The following SEZ6L2 variants were observed in gnomAD, a reference collection of about 807,000 sequenced individuals.
SEZ6L2 encodes the protein seizure 6-like protein 2.
A neutral mutation model predicts 97.0 loss-of-function variants in SEZ6L2; 44 were observed. The observed-to-expected ratio is 0.45, with a 90% confidence interval of 0.36 to 0.58. The LOEUF (loss-of-function observed/expected upper bound fraction) is 0.58, where lower values mean the gene tolerates loss of function less well. Ranked by LOEUF, SEZ6L2 falls within the 20% of genes least tolerant of loss-of-function variation. The pLI, the probability that SEZ6L2 is intolerant of heterozygous loss-of-function variation, is 0.00. For missense variants in SEZ6L2, 1,086 were observed against 1,233.3 expected (o/e 0.88, Z 1.79); for synonymous variants, 543 against 546.1 (o/e 0.99, Z 0.08).
Position 29,897,950 on chromosome 16 carries a change from C to G in SEZ6L2, c.114G>C (p.Glu38Asp). 1 of 1,613,730 alleles carries G rather than the reference C, an allele frequency of 6.2e-7. No individual in the cohort carries two copies. The change falls in exon 2 of 18, where the codon GAG becomes GAC. Residue 38 changes from glutamate (E) to aspartate (D), a missense_variant. Physicochemically the swap from Glu to Asp is conservative, Grantham distance 45. This residue lies in a region of SEZ6L2 where 776 missense variants were observed against 794.7 expected (regional missense o/e 0.98). Coordinates refer to ENST00000617533, the MANE Select transcript of SEZ6L2 (RefSeq NM_001243332.2). ...LPLKEEEILP[E>D]PGSETPTVAS... is the part of the protein sequence containing the mutation. ...CCACCGTGGGGGTCTCACTTCCAGG[C>G]TCTGGCAATATCTCCTCCTCCTTCA...
chr16:29,877,491 T>C (rs745336407), intron 10 of SEZ6L2, 24 bp from the exon 11 acceptor site: 1 of 1,553,000 alleles, frequency 6.4e-7, no homozygotes, highest in South Asian at 1.2e-5. Flanking sequence ...GACCAGGCAA[T>C]GGGGCGGGGC....
rs1190379653 is a variant in SEZ6L2, at chr16:29,899,117, T to TC, written c.-99_-98insG. On this transcript the variant is annotated 5_prime_UTR_variant, in exon 1 of 18. Transcript: ENST00000617533. ...TTATCTTTCCCTTTAATTGTTTTTT[T>TC]TTTTTTTTTTTTTTTCCTCGTAGGA... 1.2e-6 allele frequency: 1 copy of TC among 812,628 alleles called. No homozygotes were observed. The highest frequency in any genetic ancestry group is 1.9e-6 in the Non-Finnish European group (1 of 531,438). The allele number at this position is 812,628 out of a possible 1,614,324, so 50.3% of individuals were successfully genotyped here. A position where few individuals can be genotyped will look rare whatever the true frequency, so the allele number is the denominator to read the frequency against.
At position 29,873,728 on chromosome 16, in the gene SEZ6L2, G is replaced by T; in HGVS notation, c.2106C>A (p.Ile702=). Residue 702 remains isoleucine (I), a splice_region_variant and synonymous_variant, in exon 13 of 18, where the codon ATC becomes ATA. Transcript: ENST00000617533. The surrounding 1 kb of genome is among the most constrained non-coding windows in gnomAD (Gnocchi z 4.3). ...WSAAPPACQK[I]MTCADPGEIA... is the part of the protein sequence containing the mutation. ...TCTCGCCAGGGTCAGCACAAGTCATGACTGGTGGCAGAAGAACAAGGTCAG... is the reference window on the plus strand; with the variant it reads ...TCTCGCCAGGGTCAGCACAAGTCATTACTGGTGGCAGAAGAACAAGGTCAG... The T allele has an allele frequency of 6.4e-7, 1 of 1,574,208 alleles. No homozygotes were observed.
chr16:29,885,698 C>T lies in SEZ6L2; in HGVS notation c.1260G>A (p.Ser420=), dbSNP rs767838148. 1.9e-6 allele frequency: 3 copies of T among 1,613,858 alleles called. No homozygotes were observed. Among genetic ancestry groups the T allele is most frequent in the South Asian group, 1.1e-5 (1 of 91,048 alleles). The change falls in exon 8 of 18, where the codon TCG becomes TCA. Residue 420 remains serine (S), a synonymous_variant. Transcript: ENST00000617533. ...CCCGCTCGGGGACATCGTCCATGTCCGAATCATAGATCACGGGGGATAGGG... is the reference window on the plus strand; with the variant it reads ...CCCGCTCGGGGACATCGTCCATGTCTGAATCATAGATCACGGGGGATAGGG... The part of the protein sequence containing the change: ...GSPLSPVIYD[S]DMDDVPERGL...
Position 29,877,438 on chromosome 16 carries a change from G to A in SEZ6L2, c.1742C>T (p.Thr581Met), listed in dbSNP as rs200681349. ...GCTGGGACCGTCCCCGTCGAACAGCGTCAGCATGTCCCCTTCCCGCACATT... is the reference window on the plus strand; with the variant it reads ...GCTGGGACCGTCCCCGTCGAACAGCATCAGCATGTCCCCTTCCCGCACATT... ...ILNVREGDML[T>M]LFDGDGPSAR... Residue 581 changes from threonine (T) to methionine (M), a missense_variant, in exon 11 of 18, where the codon ACG (threonine) becomes ATG (methionine). By Grantham distance (81) the Thr-to-Met change is moderately conservative (BLOSUM62 -1). This residue lies in a region of SEZ6L2 where 776 missense variants were observed against 794.7 expected (regional missense o/e 0.98). Transcript: ENST00000617533. The A allele has an allele frequency of 6.2e-7, 1 of 1,606,638 alleles. No individual in the cohort carries two copies. Among genetic ancestry groups the A allele is most frequent in the South Asian group, 1.1e-5 (1 of 90,164 alleles).
Position 29,876,627 on chromosome 16 carries a change from G to T in SEZ6L2, c.2104+129C>A. On this transcript the variant is annotated intron_variant, in intron 12 of 17. Transcript: ENST00000617533. The surrounding 1 kb of genome is among the most constrained non-coding windows in gnomAD (Gnocchi z 6.5). ...AAAGGGCATGGGGGCAGGCCTTGAA[G>T]AAGATCCAGGAAGGACCCCGAGCGA... is the stretch of plus-strand genomic sequence containing the variant. 1 of 832,646 alleles carries T rather than the reference G, an allele frequency of 1.2e-6. No homozygotes were observed. The highest frequency in any genetic ancestry group is 1.8e-6 in the Non-Finnish European group (1 of 551,204). 51.6% of individuals were successfully genotyped at this position (832,646 alleles called of 1,614,324 possible). A position where few individuals can be genotyped will look rare whatever the true frequency, so the allele number is the denominator to read the frequency against.
chr16:29,888,442 G>T (rs965226150), intron 6 of SEZ6L2, 98 bp downstream of exon 6: 1 of 1,338,300 alleles, frequency 7.5e-7, no homozygotes, highest in Admixed American at 2.1e-5. Context: ...TTCAGAATGG[G>T]TTTTCCCCAA....
chr16:29,897,121 C>T lies in SEZ6L2; in HGVS notation c.212G>A (p.Gly71Glu), dbSNP rs1350070224. Residue 71 changes from glycine (G) to glutamate (E), a missense_variant and splice_region_variant, in exon 3 of 18, where the codon GGA becomes GAA. Transcript: ENST00000617533. ...GGCTAGCGTGGGGTCCCGATCAGATCCTGGGACAGTGCAGGGAATATCAGA... is the reference window on the plus strand; with the variant it reads ...GGCTAGCGTGGGGTCCCGATCAGATTCTGGGACAGTGCAGGGAATATCAGA... ...RRGPEMGYLP[G>E]SDRDPTLATP... The T allele has an allele frequency of 4.5e-6, 7 of 1,558,074 alleles. No individual in the cohort carries two copies. In the Admixed American group the frequency reaches 7.1e-5, roughly 16 times the overall value.
At position 29,873,200 on chromosome 16, in the gene SEZ6L2, G is replaced by A. The variant is rs375704939; in HGVS notation, c.2488+40C>T. On this transcript the variant is annotated intron_variant, in intron 14 of 17. Transcript: ENST00000617533. This position sits in a 1 kb window ranked among gnomAD's most constrained non-coding sequence, Gnocchi z 4.3. ...GACTCTCCCAGCCCTGTCACTTCCC[G>A]GACACTGGTGTGCCCCTCCTGCCCT... is the stretch of plus-strand genomic sequence containing the variant. 6.6e-4 allele frequency: 1,061 copies of A among 1,605,764 alleles called. 1 individual carries two copies. The highest frequency in any genetic ancestry group is 8.5e-4 in the Non-Finnish European group (1,000 of 1,175,242).
In SEZ6L2 at chr16:29,873,030, C is replaced by A. The variant is rs1284632070; in HGVS notation, c.2488+210G>T. 6.6e-6 allele frequency among the ~76,000 whole-genome samples: 1 copy of A among 152,228 alleles called. No homozygotes were observed. The highest frequency in any genetic ancestry group is 1.5e-5 in the Non-Finnish European group (1 of 68,038). Reference sequence around the variant, plus strand: ...CTATTCAGAGCAAGGGACTTCCAAGCCAAGGCCCCCTCTACTACACCCCTG... The same window carrying A: ...CTATTCAGAGCAAGGGACTTCCAAGACAAGGCCCCCTCTACTACACCCCTG... On this transcript the variant is annotated intron_variant, in intron 14 of 17. Coordinates refer to ENST00000617533, the MANE Select transcript of SEZ6L2 (RefSeq NM_001243332.2). The surrounding 1 kb of genome is among the most constrained non-coding windows in gnomAD (Gnocchi z 4.3).
At chr16:29,895,544 T>A in intron 4 of SEZ6L2, 84 bp from the exon 5 acceptor site, 2 of 1,499,320 alleles carry the variant, frequency 1.3e-6, no homozygotes, top group Non-Finnish European at 1.8e-6. Context: ...CTTTGCCCTG[T>A]GTGTAGCAGC....
At position 29,876,761 on chromosome 16, in the gene SEZ6L2, T is replaced by A. The variant is rs557575227; in HGVS notation, c.2099A>T (p.Gln700Leu). 1.9e-6 allele frequency: 3 copies of A among 1,548,768 alleles called. No individual in the cohort carries two copies. The East Asian group carries it at 7.3e-5, about 38-fold the overall frequency. ...CGCGGGCGGGGCCGGCTCACTCTTT[T>A]GGCAGGCGGGCGGCGCGGCGCTCCA... Reference protein sequence around the residue: ...LSWSAAPPACQKIMTCADPGE... With the variant: ...LSWSAAPPACLKIMTCADPGE... Residue 700 changes from glutamine (Q) to leucine (L), a missense_variant, in exon 12 of 18, where the codon CAA becomes CTA. Gln to Leu is a moderately radical substitution (Grantham distance 113). This residue lies in a region of SEZ6L2 where 310 missense variants were observed against 438.6 expected (regional missense o/e 0.71). Coordinates refer to ENST00000617533, the MANE Select transcript of SEZ6L2 (RefSeq NM_001243332.2). The surrounding 1 kb of genome is among the most constrained non-coding windows in gnomAD (Gnocchi z 6.5).
chr16:29,876,973 T>C lies in SEZ6L2; in HGVS notation c.1910-23A>G. ...CCTCTGCAGGGGAGGGAAGGCGAGT[T>C]TGGAGGCTGCGTTTTAACTGCGGGC... On this transcript the variant is annotated intron_variant, in intron 11 of 17. Coordinates refer to ENST00000617533, the MANE Select transcript of SEZ6L2 (RefSeq NM_001243332.2). This position sits in a 1 kb window ranked among gnomAD's most constrained non-coding sequence, Gnocchi z 6.5. 1 of 1,580,778 alleles carries C rather than the reference T, an allele frequency of 6.3e-7. No homozygotes were observed. Among genetic ancestry groups the C allele is most frequent in the Non-Finnish European group, 8.6e-7 (1 of 1,158,680 alleles).
chr16:29,880,210 T>G (rs2068002065), intron 8 of SEZ6L2, 146 bp from the exon 9 acceptor site: 1 of 705,684 alleles, frequency 1.4e-6, no homozygotes, highest in East Asian at 2.8e-5. Context: ...TCGCCCAGGC[T>G]GGAGTGCAGT....
chr16:29,871,421 G>A lies in SEZ6L2; in HGVS notation c.*278C>T, dbSNP rs2067776837. 2.5e-5 allele frequency: 14 copies of A among 556,080 alleles called. No homozygotes were observed. The South Asian group carries it at 2.9e-4, about 12-fold the overall frequency. The allele number at this position is 556,080 out of a possible 1,614,324, so 34.4% of individuals were successfully genotyped here. ...CTGGGCAGGAGGGGCTGCAAGATTT[G>A]CAGGGAGGCAGAGTTCCCCTCCCAG... On this transcript the variant is annotated 3_prime_UTR_variant, in exon 18 of 18. Coordinates refer to ENST00000617533, the MANE Select transcript of SEZ6L2 (RefSeq NM_001243332.2).
At chr16:29,896,552 A>G (rs931742253) in intron 3 of SEZ6L2, among the ~76,000 whole-genome samples, 2 of 152,200 alleles carry the variant, frequency 1.3e-5, no homozygotes, top group Non-Finnish European at 2.9e-5. Flanking sequence ...TGCTGGGATT[A>G]CAGGCTAGAG....
In SEZ6L2 at chr16:29,877,332, A is replaced by C. The variant is rs769816978; in HGVS notation, c.1848T>G (p.Phe616Leu). 4 of 1,612,532 alleles carry C rather than the reference A, an allele frequency of 2.5e-6. No homozygotes were observed. The highest frequency in any genetic ancestry group is 1.7e-5 in the Admixed American group (1 of 59,772). The change falls in exon 11 of 18, where the codon TTT becomes TTG. Residue 616 changes from phenylalanine to leucine, a missense_variant. Physicochemically the swap from Phe to Leu is conservative, Grantham distance 22 (BLOSUM62 0). This residue lies in a region of SEZ6L2 where 310 missense variants were observed against 438.6 expected (regional missense o/e 0.71). Transcript: ENST00000617533. ...GATTTGGGGGCCCGGGCGGTGCCTG[A>C]AACTGCAGTGTGAGGTCGGGCCCAG... ...LSSGPDLTLQ[F>L]QAPPGPPNPG... is the part of the protein sequence containing the mutation.
At chr16:29,892,927 AG>A (rs2068301434) in intron 5 of SEZ6L2, among the ~76,000 whole-genome samples, 1 of 152,222 alleles carries the variant, frequency 6.6e-6, no homozygotes, top group Non-Finnish European at 1.5e-5. Context: ...CATCTGTCAT[AG>A]GTCCTAACAA....
chr16:29,890,441 T>C lies in SEZ6L2; in HGVS notation c.854-1716A>G, dbSNP rs191247832. 1.1e-4 allele frequency among the ~76,000 whole-genome samples: 17 copies of C among 152,302 alleles called. No homozygotes were observed. In the East Asian group the frequency reaches 3.3e-3, roughly 29 times the overall value. ...CCAACAGAATCAAGTCTGAATGCTTTAGTTTGACATTCAAGCCCCTTCCAT... is the reference window on the plus strand; with the variant it reads ...CCAACAGAATCAAGTCTGAATGCTTCAGTTTGACATTCAAGCCCCTTCCAT... On this transcript the variant is annotated intron_variant, in intron 5 of 17. Coordinates refer to ENST00000617533, the MANE Select transcript of SEZ6L2 (RefSeq NM_001243332.2).
Sources: allele counts gnomAD v4.1 joint callset (sites outside exome capture counted in the v4.1 genomes callset), GRCh38; gene constraint gnomAD v4.1.1; regional missense constraint gnomAD v4.1.1; non-coding constraint Gnocchi (gnomAD v3.1); transcripts MANE v1.5; gene names NCBI Gene and HGNC (gene_info 2026-07-23, HGNC 2026-07-21).